Variants in TBCK observed in about 807,000 individuals in gnomAD.
TBCK encodes the protein TBC domain-containing protein kinase-like protein.
TBCK carries 99 observed loss-of-function variants against 113.4 expected under a neutral mutation model. The ratio of observed to expected loss-of-function variants is 0.87; its 90% CI spans 0.74 to 1.03. The LOEUF (loss-of-function observed/expected upper bound fraction) is 1.03, where lower values mean the gene tolerates loss of function less well. TBCK is among the 50% of genes least tolerant of loss of function. The pLI, the probability that TBCK is intolerant of heterozygous loss-of-function variation, is 0.00. For synonymous variants in TBCK, 369 were observed against 370.8 expected (o/e 1.00, Z 0.05); for missense variants, 1,045 against 1,061.3 (o/e 0.98, Z 0.21).
At chr4:106,256,674 C>T (rs1350092400) in intron 5 of TBCK, among the ~76,000 whole-genome samples, 5 of 151,930 alleles carry the variant, frequency 3.3e-5, no homozygotes, top group East Asian at 1.9e-4. Flanking sequence ...TGCCCGGGAA[C>T]GTGGGGCTCC....
chr4:106,246,974 T>C (rs535604260), intron 10 of TBCK, among the ~76,000 whole-genome samples, 165 bp downstream of exon 10: 1 of 152,168 alleles, frequency 6.6e-6, no homozygotes, highest in African/African-American at 2.4e-5. Flanking sequence ...CATGAGCCAC[T>C]GCACCCAGCC....
In TBCK at chr4:106,231,628, G is replaced by A. The variant is rs528778789; in HGVS notation, c.1690+101C>T. On this transcript the variant is annotated intron_variant, in intron 18 of 25. Transcript: ENST00000394708. ...TTATTTCACAGAAATCTACCAGGGA[G>A]AGAATAAGAGCCTTAAAACAAAAAC... 4.1e-6 allele frequency: 4 copies of A among 977,670 alleles called. No individual in the cohort carries two copies. In the South Asian group the frequency reaches 6.4e-5, roughly 16 times the overall value. The allele number at this position is 977,670 out of a possible 1,614,324, so 60.6% of individuals were successfully genotyped here. A position where few individuals can be genotyped will look rare whatever the true frequency, so the allele number is the denominator to read the frequency against.
At chr4:106,124,090 G>C (rs1055130279) in intron 23 of TBCK, among the ~76,000 whole-genome samples, 53 of 148,452 alleles carry the variant, frequency 3.6e-4, no homozygotes, top group Non-Finnish European at 6.6e-4. Context: ...GAAAATTTTC[G>C]CAACCTACTC....
intron 3 of TBCK, among the ~76,000 whole-genome samples, chr4:106,286,802 T>C (rs1030102623): frequency 4.8e-5 from 7 of 144,478 alleles, no homozygotes; most frequent in Admixed American, 2.2e-4. Context: ...AGGTCAAGGC[T>C]ACAGTAAGCA....
At chr4:106,278,246 G>T (rs1764213820) in intron 3 of TBCK, among the ~76,000 whole-genome samples, 1 of 151,954 alleles carries the variant, frequency 6.6e-6, no homozygotes, top group African/African-American at 2.4e-5. Context: ...TATCAAACTT[G>T]AATCAAAACA....
intron 22 of TBCK, among the ~76,000 whole-genome samples, chr4:106,171,652 A>G (rs531238214): frequency 6.6e-6 from 1 of 152,254 alleles, no homozygotes; most frequent in South Asian, 2.1e-4. Flanking sequence ...TTCCAATGTG[A>G]AACAAAAGTT....
intron 23 of TBCK, among the ~76,000 whole-genome samples, chr4:106,142,384 T>G (rs1747235692): frequency 6.6e-6 from 1 of 152,214 alleles, no homozygotes; most frequent in South Asian, 2.1e-4. Flanking sequence ...TGTACCTTGC[T>G]TTATTAAATT....
In TBCK at chr4:106,121,898, A is replaced by G. The variant is rs953863328; in HGVS notation, c.2236-5520T>C. 5.0e-3 allele frequency among the ~76,000 whole-genome samples: 760 copies of G among 152,310 alleles called. 4 individuals are homozygous for G. Among genetic ancestry groups the G allele is most frequent in the African/African-American group, 0.018 (731 of 41,570 alleles). On this transcript the variant is annotated intron_variant, in intron 23 of 25. Coordinates refer to ENST00000394708, the MANE Select transcript of TBCK (RefSeq NM_001163435.3). ...CAGTGTGTAGAGGGAAATTTATAGC[A>G]CTAAATGCCCACAAGAGAAAGCAGG...
chr4:106,104,081 C>T (rs571132247), intron 24 of TBCK, among the ~76,000 whole-genome samples: 36 of 152,348 alleles, frequency 2.4e-4, no homozygotes, highest in African/African-American at 7.9e-4. Flanking sequence ...GGCAGAGCAA[C>T]TGCTCAGGCA....
At chr4:106,154,789 C>T (rs1748934685) in intron 23 of TBCK, among the ~76,000 whole-genome samples, 1 of 152,118 alleles carries the variant, frequency 6.6e-6, no homozygotes, top group Non-Finnish European at 1.5e-5. Flanking sequence ...ATAAATTACC[C>T]AGTCTCAGGT....
intron 19 of TBCK, among the ~76,000 whole-genome samples, chr4:106,218,408 A>G (rs1416094693): frequency 2.0e-5 from 3 of 148,654 alleles, no homozygotes; most frequent in Non-Finnish European, 4.5e-5. Flanking sequence ...ACAGCAAAAG[A>G]AACTACCATC....
At chr4:106,241,142 A>T (rs1760072898) in intron 12 of TBCK, among the ~76,000 whole-genome samples, 1 of 151,878 alleles carries the variant, frequency 6.6e-6, no homozygotes, top group Non-Finnish European at 1.5e-5. Context: ...TCATACTCAT[A>T]CTTACATATA....
chr4:106,239,067 ACT>A (rs1266763608), intron 12 of TBCK, among the ~76,000 whole-genome samples: 1 of 151,862 alleles, frequency 6.6e-6, no homozygotes, highest in African/African-American at 2.4e-5. Flanking sequence ...CAGCCAGAGT[ACT>A]CTGTTTTCCT....
intron 5 of TBCK, 125 bp downstream of exon 5, chr4:106,260,312 C>T (rs952011786): frequency 2.5e-5 from 10 of 400,976 alleles, no homozygotes; most frequent in African/African-American, 2.1e-4. Context: ...AATTGAGATG[C>T]ATTAATTTTA....
At chr4:106,176,960 GT>G (rs34118663) in intron 22 of TBCK, among the ~76,000 whole-genome samples, 9,908 of 138,868 alleles carry the variant, frequency 0.071, 348 homozygotes, top group Non-Finnish European at 0.089. Flanking sequence ...ATTTTTAAGT[GT>G]TTTTTTTTTT....
chr4:106,301,716 T>G (rs1356590930), intron 2 of TBCK, among the ~76,000 whole-genome samples: 1 of 152,204 alleles, frequency 6.6e-6, no homozygotes, highest in Non-Finnish European at 1.5e-5. Context: ...CAAGAGTATG[T>G]GACTCCAAGT....
intron 25 of TBCK, among the ~76,000 whole-genome samples, chr4:106,091,577 C>T (rs1455033523): frequency 6.6e-6 from 1 of 152,102 alleles, no homozygotes; most frequent in East Asian, 1.9e-4. Flanking sequence ...AGCTGCAGAC[C>T]TTTGCAGTGA....
intron 25 of TBCK, among the ~76,000 whole-genome samples, chr4:106,052,285 TG>T (rs1734898171): frequency 6.6e-6 from 1 of 151,828 alleles, no homozygotes; most frequent in Non-Finnish European, 1.5e-5. Context: ...CATAGGCACT[TG>T]TGACAAGGAA....
At chr4:106,262,372 A>G (rs979300071) in intron 3 of TBCK, among the ~76,000 whole-genome samples, 160 bp from the exon 4 acceptor site, 32 of 152,052 alleles carry the variant, frequency 2.1e-4, no homozygotes, top group African/African-American at 7.5e-4. Context: ...TAAAATATCT[A>G]CCTCTACATA....
Sources: allele counts gnomAD v4.1 joint callset (sites outside exome capture counted in the v4.1 genomes callset), GRCh38; gene constraint gnomAD v4.1.1; transcripts MANE v1.5; gene names NCBI Gene and HGNC (gene_info 2026-07-23, HGNC 2026-07-21).